The following LRMDA variants were observed in gnomAD, a reference collection of about 807,000 sequenced individuals.
The protein encoded by LRMDA is leucine-rich melanocyte differentiation-associated protein.
In LRMDA, 18 loss-of-function variants were observed where a neutral mutation model predicts 29.8. That is an observed-to-expected ratio of 0.60 (90% CI 0.42 to 0.90). The LOEUF is 0.90. Ranked by LOEUF, LRMDA falls within the 40% of genes least tolerant of loss-of-function variation. The pLI, the probability that LRMDA is intolerant of heterozygous loss-of-function variation, is 0.00. For missense variants in LRMDA, 273 were observed against 273.9 expected (o/e 1.00, Z 0.02); for synonymous variants, 125 against 109.4 (o/e 1.14, Z -0.89).
chr10:75,835,005 CTGTTTTAGATA>C (rs1844409020), intron 2 of LRMDA, among the ~76,000 whole-genome samples: 1 of 152,192 alleles, frequency 6.6e-6, no homozygotes, highest in South Asian at 2.1e-4. Flanking sequence ...ACCACTTCTA[CTGTTTTAGATA>C]TTTGTTACAG....
At chr10:76,414,387 T>C (rs1024521396) in intron 6 of LRMDA, among the ~76,000 whole-genome samples, 9 of 152,214 alleles carry the variant, frequency 5.9e-5, no homozygotes, top group Non-Finnish European at 2.9e-5. Flanking sequence ...GTTATGGTGC[T>C]ATACTTCAAG....
intron 5 of LRMDA, among the ~76,000 whole-genome samples, chr10:76,146,748 T>G (rs1850330361): frequency 6.6e-6 from 1 of 152,194 alleles, no homozygotes; most frequent in Admixed American, 6.5e-5. Context: ...CTGGTTATTT[T>G]GCTTGTTAGT....
chr10:75,983,866 G>C (rs1185070287), intron 2 of LRMDA, among the ~76,000 whole-genome samples: 1 of 152,142 alleles, frequency 6.6e-6, no homozygotes, highest in Admixed American at 6.5e-5. Flanking sequence ...TGTTGGTCAG[G>C]TTGGTCTCAA....
intron 3 of LRMDA, among the ~76,000 whole-genome samples, chr10:76,046,597 G>A (rs892784049): frequency 5.9e-5 from 9 of 152,010 alleles, no homozygotes; most frequent in Non-Finnish European, 1.2e-4. Context: ...CGATTCTCCT[G>A]CCTCAGCTTC....
chr10:75,642,123 G>A (rs543429331), intron 2 of LRMDA, among the ~76,000 whole-genome samples: 4 of 152,148 alleles, frequency 2.6e-5, no homozygotes, highest in Non-Finnish European at 5.9e-5. Flanking sequence ...CAGATTCTTC[G>A]CAGATTCATG....
At chr10:75,567,137 G>A (rs1030467580) in intron 2 of LRMDA, among the ~76,000 whole-genome samples, 1 of 151,770 alleles carries the variant, frequency 6.6e-6, no homozygotes, top group African/African-American at 2.4e-5. Context: ...CTTGTCCTCT[G>A]CTATTAGTTA....
chr10:75,647,569 CAAAG>C (rs1841538949), intron 2 of LRMDA: 1 of 152,270 alleles, frequency 6.6e-6, no homozygotes, highest in African/African-American at 2.4e-5. Context: ...GCTGATGTGA[CAAAG>C]AGAGAAGGCA....
In LRMDA at chr10:75,810,390, G is replaced by A. The variant is rs531966713; in HGVS notation, c.132-225618G>A. 2.2e-4 allele frequency among the ~76,000 whole-genome samples: 34 copies of A among 152,272 alleles called. No individual in the cohort carries two copies. The South Asian group carries it at 7.0e-3, about 32-fold the overall frequency. On this transcript the variant is annotated intron_variant, in intron 2 of 6. Coordinates refer to ENST00000611255, the MANE Select transcript of LRMDA (RefSeq NM_001305581.2). Reference sequence around the variant, plus strand: ...TGTCAGAGCTGTCCAGTTGAGGGAGGGCAGGGGCTAGTCCAGAGTGGTGCC... The same window carrying A: ...TGTCAGAGCTGTCCAGTTGAGGGAGAGCAGGGGCTAGTCCAGAGTGGTGCC...
At chr10:75,467,954 C>T (rs1030760219) in intron 2 of LRMDA, among the ~76,000 whole-genome samples, 7 of 98,676 alleles carry the variant, frequency 7.1e-5, no homozygotes, top group Admixed American at 1.0e-4. Context: ...AGTGAGACTC[C>T]GTCACACACA....
intron 2 of LRMDA, among the ~76,000 whole-genome samples, chr10:75,977,723 G>A (rs1350056658): frequency 2.0e-5 from 3 of 152,136 alleles, no homozygotes; most frequent in Non-Finnish European, 4.4e-5. Flanking sequence ...GAAGCCCTTT[G>A]AGCTTCGAAG....
chr10:75,737,061 G>A (rs1247871646), intron 2 of LRMDA, among the ~76,000 whole-genome samples: 3 of 147,784 alleles, frequency 2.0e-5, no homozygotes, highest in Non-Finnish European at 4.5e-5. Flanking sequence ...ACGCACGCAC[G>A]CACACACACA....
rs1399464229 is a variant in LRMDA, at chr10:76,477,990, G to A, written c.602-79219G>A. ...GCAATACCATTGAGGACATAGGCAC[G>A]GGCAAGGACTTCATGTCTAAAACAC... On this transcript the variant is annotated intron_variant, in intron 6 of 6. Transcript: ENST00000611255. Among the ~76,000 whole-genome samples, 5 of 152,196 alleles carry A rather than the reference G, an allele frequency of 3.3e-5. No individual in the cohort carries two copies. The East Asian group carries it at 5.8e-4, about 18-fold the overall frequency.
intron 2 of LRMDA, among the ~76,000 whole-genome samples, chr10:75,477,889 C>T (rs1844814439): frequency 6.6e-6 from 1 of 152,224 alleles, no homozygotes; most frequent in South Asian, 2.1e-4. Flanking sequence ...GCCTCCTTGT[C>T]ATATCTGTGG....
intron 6 of LRMDA, among the ~76,000 whole-genome samples, chr10:76,416,616 A>G (rs116270661): frequency 0.012 from 1,876 of 152,280 alleles, 27 homozygotes; most frequent in African/African-American, 0.043. Context: ...AACAAAAACC[A>G]CCTCCATGGA....
chr10:76,218,946 T>G (rs969333762), intron 5 of LRMDA, among the ~76,000 whole-genome samples: 1 of 152,172 alleles, frequency 6.6e-6, no homozygotes, highest in Non-Finnish European at 1.5e-5. Context: ...AAACAGAATC[T>G]ATGCAGCTCC....
At chr10:76,433,692 T>C (rs1842215298) in intron 6 of LRMDA, 1 of 152,256 alleles carries the variant, frequency 6.6e-6, no homozygotes, top group African/African-American at 2.4e-5. Context: ...ATGGATCATG[T>C]TGCTGGTTTG....
intron 2 of LRMDA, among the ~76,000 whole-genome samples, chr10:75,957,127 G>A (rs562546397): frequency 6.6e-6 from 1 of 152,222 alleles, no homozygotes; most frequent in Admixed American, 6.5e-5. Context: ...ATGAATGAGC[G>A]AAGAAATGCA....
chr10:76,142,784 G>A (rs1850229194), intron 5 of LRMDA, among the ~76,000 whole-genome samples: 1 of 151,388 alleles, frequency 6.6e-6, no homozygotes, highest in Non-Finnish European at 1.5e-5. Context: ...TTGGTGTGCT[G>A]CACCCATTAA....
chr10:76,137,786 AC>A (rs199810831), intron 5 of LRMDA, among the ~76,000 whole-genome samples: 18,556 of 147,086 alleles, frequency 0.13, 1,264 homozygotes, highest in East Asian at 0.3. Flanking sequence ...AAAAAAAAAA[AC>A]AAACAAAAAA....
Sources: allele counts gnomAD v4.1 joint callset (sites outside exome capture counted in the v4.1 genomes callset), GRCh38; gene constraint gnomAD v4.1.1; transcripts MANE v1.5; gene names NCBI Gene and HGNC (gene_info 2026-07-23, HGNC 2026-07-21).